Variants in GALNTL6 observed in about 807,000 individuals in gnomAD.
GALNTL6 encodes the protein polypeptide N-acetylgalactosaminyltransferase-like 6.
A neutral mutation model predicts 73.7 loss-of-function variants in GALNTL6; 46 were observed. The ratio of observed to expected loss-of-function variants is 0.62; its 90% CI spans 0.49 to 0.80. The LOEUF (loss-of-function observed/expected upper bound fraction) is 0.80. GALNTL6 is among the 30% of genes least tolerant of loss of function. GALNTL6 has a pLI of 0.00. For synonymous variants in GALNTL6, 259 were observed against 263.7 expected (o/e 0.98, Z 0.17); for missense variants, 604 against 755.0 (o/e 0.80, Z 2.34).
chr4:172,543,692 C>T (rs935895384), intron 5 of GALNTL6, among the ~76,000 whole-genome samples: 2 of 152,194 alleles, frequency 1.3e-5, no homozygotes, highest in Non-Finnish European at 1.5e-5. Flanking sequence ...TTTTCTTCAA[C>T]AGGGAGAATT....
At chr4:172,884,931 G>C (rs143047173) in intron 8 of GALNTL6, among the ~76,000 whole-genome samples, 65 of 152,220 alleles carry the variant, frequency 4.3e-4, no homozygotes, top group African/African-American at 1.4e-3. Context: ...TGAGTTGGCT[G>C]TAAGTGCAAG....
intron 5 of GALNTL6, among the ~76,000 whole-genome samples, chr4:172,498,765 T>C (rs971069650): frequency 1.3e-5 from 2 of 152,320 alleles, no homozygotes; most frequent in African/African-American, 2.4e-5. Flanking sequence ...ATCAACTCGA[T>C]GTATGATGAA....
intron 7 of GALNTL6, among the ~76,000 whole-genome samples, chr4:172,856,983 T>C (rs1394953667): frequency 6.6e-6 from 1 of 152,216 alleles, no homozygotes; most frequent in Non-Finnish European, 1.5e-5. Context: ...CAAATTACTT[T>C]GGGCCACACA....
chr4:172,218,477 A>G (rs1035976484), intron 2 of GALNTL6, among the ~76,000 whole-genome samples: 35 of 152,052 alleles, frequency 2.3e-4, no homozygotes, highest in African/African-American at 5.6e-4. Context: ...GCTTCCATCA[A>G]TTCATTAACG....
chr4:172,937,702 A>T (rs1344981992), intron 9 of GALNTL6, among the ~76,000 whole-genome samples: 7 of 152,246 alleles, frequency 4.6e-5, no homozygotes, highest in Non-Finnish European at 8.8e-5. Flanking sequence ...CTTGACAGTA[A>T]CGTACAGTCC....
chr4:172,410,185 TA>T (rs1231474503), intron 5 of GALNTL6, among the ~76,000 whole-genome samples: 1 of 152,050 alleles, frequency 6.6e-6, no homozygotes, highest in East Asian at 1.9e-4. Context: ...AATGAACTTA[TA>T]CATATCATGA....
At chr4:172,714,306 AACAC>A (rs3084330) in intron 5 of GALNTL6, among the ~76,000 whole-genome samples, 87,566 of 148,988 alleles carry the variant, frequency 0.59, 27,004 homozygotes, top group Middle Eastern at 0.75. Context: ...TTTCACACCA[AACAC>A]ACACACACAC....
chr4:172,241,226 C>T (rs1383490991), intron 3 of GALNTL6, among the ~76,000 whole-genome samples: 1 of 152,168 alleles, frequency 6.6e-6, no homozygotes, highest in Non-Finnish European at 1.5e-5. Context: ...TATGATTTCT[C>T]ACATTTGTAG....
chr4:172,401,300 CTTAAAATTCACAA>C (rs1466289058), intron 5 of GALNTL6, among the ~76,000 whole-genome samples: 1 of 152,086 alleles, frequency 6.6e-6, no homozygotes, highest in Admixed American at 6.6e-5. Flanking sequence ...AGTTTTGCTG[CTTAAAATTCACAA>C]TTAGTGAATT....
At chr4:172,664,776 G>A (rs1202955646) in intron 5 of GALNTL6, among the ~76,000 whole-genome samples, 3 of 152,076 alleles carry the variant, frequency 2.0e-5, no homozygotes, top group Admixed American at 6.6e-5. Flanking sequence ...TTGTAAGCTC[G>A]TTATTGTCTT....
At chr4:172,700,327 A>G (rs1261854617) in intron 5 of GALNTL6, among the ~76,000 whole-genome samples, 2 of 152,186 alleles carry the variant, frequency 1.3e-5, no homozygotes, top group Non-Finnish European at 2.9e-5. Flanking sequence ...AAGACAATCT[A>G]TTTAATAACA....
intron 2 of GALNTL6, among the ~76,000 whole-genome samples, chr4:172,098,183 TAA>T (rs1215440797): frequency 6.6e-6 from 1 of 152,130 alleles, no homozygotes; most frequent in Non-Finnish European, 1.5e-5. Context: ...TCTCTATATA[TAA>T]GACATCTATA....
chr4:172,845,317 G>A (rs1743441109), intron 7 of GALNTL6, among the ~76,000 whole-genome samples: 1 of 151,906 alleles, frequency 6.6e-6, no homozygotes, highest in African/African-American at 2.4e-5. Context: ...CCTATTTCCT[G>A]GGCCTCAGAG....
chr4:172,011,419 T>C (rs1386783375), intron 2 of GALNTL6, among the ~76,000 whole-genome samples: 1 of 152,062 alleles, frequency 6.6e-6, no homozygotes, highest in Non-Finnish European at 1.5e-5. Flanking sequence ...AGTCTGTGAC[T>C]TTTTTTATTG....
At chr4:171,867,903 G>A (rs1409256228) in intron 2 of GALNTL6, among the ~76,000 whole-genome samples, 1 of 151,634 alleles carries the variant, frequency 6.6e-6, no homozygotes, top group Non-Finnish European at 1.5e-5. Flanking sequence ...TCATTTCAGG[G>A]TCTTCATTTT....
chr4:172,575,318 C>T (rs1736919324), intron 5 of GALNTL6, among the ~76,000 whole-genome samples: 1 of 152,104 alleles, frequency 6.6e-6, no homozygotes, highest in Non-Finnish European at 1.5e-5. Flanking sequence ...ATTGTTCCAT[C>T]ATATGTTAAG....
intron 2 of GALNTL6, among the ~76,000 whole-genome samples, chr4:172,094,484 G>A (rs1333781974): frequency 6.6e-6 from 1 of 152,024 alleles, no homozygotes; most frequent in Admixed American, 6.6e-5. Context: ...CATGAATAAT[G>A]TTCATTTCAG....
At chr4:172,722,863 G>A (rs1579394973) in intron 5 of GALNTL6, among the ~76,000 whole-genome samples, 1 of 152,078 alleles carries the variant, frequency 6.6e-6, no homozygotes, top group Non-Finnish European at 1.5e-5. Flanking sequence ...GTTTTCTATT[G>A]CTGCCATAAC....
chr4:172,109,908 C>G (rs1732805407), intron 2 of GALNTL6, among the ~76,000 whole-genome samples: 1 of 152,078 alleles, frequency 6.6e-6, no homozygotes, highest in Non-Finnish European at 1.5e-5. Flanking sequence ...AAATAAAATG[C>G]TTATAAGTAT....
Sources: allele counts gnomAD v4.1 joint callset (sites outside exome capture counted in the v4.1 genomes callset), GRCh38; gene constraint gnomAD v4.1.1; transcripts MANE v1.5; gene names NCBI Gene and HGNC (gene_info 2026-07-23, HGNC 2026-07-21).